ZNF567: variants seen among roughly 807,000 people sequenced by gnomAD.
ZNF567 encodes zinc finger protein 567.
ZNF567 carries 36 observed loss-of-function variants against 53.9 expected under a neutral mutation model. The observed-to-expected ratio is 0.67, with a 90% CI of 0.51 to 0.88. The LOEUF (loss-of-function observed/expected upper bound fraction) is 0.88, where lower values mean the gene tolerates loss of function less well. Ranked by LOEUF, ZNF567 falls within the 40% of genes least tolerant of loss-of-function variation. The pLI is 0.00. For missense variants in ZNF567, 619 were observed against 764.7 expected (o/e 0.81, Z 2.25); for synonymous variants, 224 against 260.4 (o/e 0.86, Z 1.35).
At chr19:36,713,323 G>T (rs2145846040) in intron 5 of ZNF567, among the ~76,000 whole-genome samples, 1 of 152,144 alleles carries the variant, frequency 6.6e-6, no homozygotes, top group East Asian at 1.9e-4. Context: ...TGGGCATGGT[G>T]GTGTGCACCT....
chr19:36,725,046 T>C (rs1467369303), downstream of ZNF567, among the ~76,000 whole-genome samples: 1 of 152,100 alleles, frequency 6.6e-6, no homozygotes, highest in African/African-American at 2.4e-5. Context: ...GATTTGGGAT[T>C]GAGAGTTGTT....
intron 2 of ZNF567, among the ~76,000 whole-genome samples, chr19:36,691,769 A>G (rs3108559): frequency 0.67 from 102,216 of 152,026 alleles, 34,687 homozygotes; most frequent in East Asian, 0.82. Flanking sequence ...CAATTAGTAA[A>G]CTGTAGCTGG....
intron 2 of ZNF567, among the ~76,000 whole-genome samples, chr19:36,694,078 A>C (rs2038756722): frequency 6.6e-6 from 1 of 152,120 alleles, no homozygotes; most frequent in African/African-American, 2.4e-5. Context: ...TGTCCTAGCT[A>C]CTTGGGAGGC....
the ZNF567 span, among the ~76,000 whole-genome samples, chr19:36,677,640 G>A: frequency 2.1e-4 from 32 of 148,942 alleles, no homozygotes; most frequent in South Asian, 2.2e-4. Flanking sequence ...GGTGGTGCGC[G>A]CCTGTAGTCC....
chr19:36,719,070 A>C lies in ZNF567; in HGVS notation c.346A>C (p.Lys116Gln). 6.2e-7 allele frequency: 1 copy of C among 1,613,484 alleles called. No homozygotes were observed. The change falls in exon 6 of 6, where the codon AAG becomes CAG. Residue 116 changes from lysine to glutamine, a missense_variant. Transcript: ENST00000682579. ...LVKEKSKIYE[K>Q]TFTLGKNPVN... ...GAAGGAGAAGAGTAAAATATATGAAAAGACATTTACTCTAGGCAAAAACCC... is the reference window on the plus strand; with the variant it reads ...GAAGGAGAAGAGTAAAATATATGAACAGACATTTACTCTAGGCAAAAACCC...
At chr19:36,714,124 G>A (rs1262095849) in intron 5 of ZNF567, among the ~76,000 whole-genome samples, 7 of 151,936 alleles carry the variant, frequency 4.6e-5, no homozygotes, top group African/African-American at 1.4e-4. Context: ...GATAAGTTTT[G>A]TCAGGAAAGG....
intron 5 of ZNF567, among the ~76,000 whole-genome samples, chr19:36,714,091 C>T (rs1023017377): frequency 2.0e-5 from 3 of 152,176 alleles, no homozygotes; most frequent in Non-Finnish European, 4.4e-5. Context: ...TTCCAGCCTT[C>T]TCAGTCCTTA....
upstream of ZNF567, among the ~76,000 whole-genome samples, chr19:36,683,065 A>G (rs928078956): frequency 1.1e-4 from 16 of 150,866 alleles, no homozygotes; most frequent in Non-Finnish European, 2.4e-4. Flanking sequence ...CCTCGATTTT[A>G]AGAGTTTTTT....
At chr19:36,723,905 A>T (rs1037649803), downstream of ZNF567, among the ~76,000 whole-genome samples, 1 of 151,824 alleles carries the variant, frequency 6.6e-6, no homozygotes, top group Admixed American at 6.6e-5. Flanking sequence ...TTCCATAATC[A>T]TGCTCATAAC....
At chr19:36,694,311 T>C (rs1396609479) in intron 2 of ZNF567, among the ~76,000 whole-genome samples, 1 of 152,216 alleles carries the variant, frequency 6.6e-6, no homozygotes, top group African/African-American at 2.4e-5. Flanking sequence ...AGACCACAGA[T>C]AAGAAGCTAA....
downstream of ZNF567, among the ~76,000 whole-genome samples, chr19:36,723,535 CA>C (rs1400238711): frequency 1.3e-5 from 2 of 152,032 alleles, no homozygotes; most frequent in Non-Finnish European, 2.9e-5. Context: ...TATAAATGGC[CA>C]AACTTTGAAA....
At chr19:36,667,904 C>T in the ZNF567 span, among the ~76,000 whole-genome samples, 1 of 151,764 alleles carries the variant, frequency 6.6e-6, no homozygotes, top group Non-Finnish European at 1.5e-5. Context: ...CCGCCTCGGC[C>T]TCCCAAAGTG....
At chr19:36,681,257 A>T in the ZNF567 span, among the ~76,000 whole-genome samples, 1 of 152,134 alleles carries the variant, frequency 6.6e-6, no homozygotes, top group Non-Finnish European at 1.5e-5. Context: ...TCAGGCTCCC[A>T]AAGCACTGGG....
At chr19:36,671,296 C>T in the ZNF567 span, among the ~76,000 whole-genome samples, 1 of 152,114 alleles carries the variant, frequency 6.6e-6, no homozygotes, top group African/African-American at 2.4e-5. Flanking sequence ...TCCCAGAGGT[C>T]GGGTGGTGTG....
chr19:36,675,537 G>A, the ZNF567 span, among the ~76,000 whole-genome samples: 3 of 152,186 alleles, frequency 2.0e-5, no homozygotes, highest in African/African-American at 7.2e-5. Flanking sequence ...GCTGGGCGTG[G>A]TGGCGTGCAC....
downstream of ZNF567, among the ~76,000 whole-genome samples, chr19:36,723,776 G>A (rs772632448): frequency 3.9e-5 from 6 of 152,170 alleles, no homozygotes; most frequent in Non-Finnish European, 8.8e-5. Context: ...GGAGGTTGCA[G>A]TGAGCCAAGA....
the ZNF567 span, among the ~76,000 whole-genome samples, chr19:36,681,525 G>T: frequency 6.6e-6 from 1 of 152,004 alleles, no homozygotes; most frequent in Non-Finnish European, 1.5e-5. Context: ...GACTTCCAGG[G>T]CTCAAGTGAT....
intron 1 of ZNF567, 52 bp downstream of exon 1, chr19:36,687,686 C>G (rs946051295): frequency 1.3e-5 from 2 of 152,566 alleles, no homozygotes; most frequent in African/African-American, 2.4e-5. Flanking sequence ...CGGTGTGACC[C>G]GTAAGGAAGG....
chr19:36,668,974 C>T, the ZNF567 span: 1 of 152,126 alleles, frequency 6.6e-6, no homozygotes, highest in South Asian at 2.1e-4. Context: ...TTGATGTTTG[C>T]ATCTGTACTG....
Sources: allele counts gnomAD v4.1 joint callset (sites outside exome capture counted in the v4.1 genomes callset), GRCh38; gene constraint gnomAD v4.1.1; transcripts MANE v1.5; gene names NCBI Gene and HGNC (gene_info 2026-07-23, HGNC 2026-07-21).